The following TUBGCP5 variants were observed in gnomAD, a reference collection of about 807,000 sequenced individuals.
TUBGCP5 encodes gamma-tubulin complex component 5.
Under a neutral mutation model 134.7 loss-of-function variants are expected in TUBGCP5, and 98 were observed. The ratio of observed to expected loss-of-function variants is 0.73; its 90% CI spans 0.62 to 0.86. The LOEUF is 0.86. TUBGCP5 is among the 40% of genes least tolerant of loss of function. The pLI, the probability that TUBGCP5 is intolerant of heterozygous loss-of-function variation, is 0.00. For synonymous variants in TUBGCP5, 456 were observed against 431.4 expected, an observed-to-expected ratio of 1.06 and a Z score of -0.71; for missense variants, 1,150 against 1,244.8, an observed-to-expected ratio of 0.92 and a Z score of 1.15.
At chr15:23,000,281 T>C (rs754635510) in intron 22 of TUBGCP5, 35 of 1,265,062 alleles carry the variant, frequency 2.8e-5, no homozygotes, top group African/African-American at 1.5e-5. Flanking sequence ...AACTACACGA[T>C]AGTGAAGTGT....
chr15:22,988,414 C>T (rs2063743095), intron 23 of TUBGCP5, among the ~76,000 whole-genome samples: 1 of 151,824 alleles, frequency 6.6e-6, no homozygotes, highest in Non-Finnish European at 1.5e-5. Flanking sequence ...GGCCTTCCAG[C>T]CCCCAGAACT....
In TUBGCP5 at chr15:23,029,696, C is replaced by A. The variant is rs1249105968; in HGVS notation, c.622+1189G>T. On this transcript the variant is annotated intron_variant, in intron 6 of 22. Coordinates refer to ENST00000615383, the MANE Select transcript of TUBGCP5 (RefSeq NM_052903.6). Reference sequence around the variant, plus strand: ...GTCAGGAATTTGAGACCAGCCTGGCCAACATGGTGAAACCCTGTCTCTACT... The same window carrying A: ...GTCAGGAATTTGAGACCAGCCTGGCAAACATGGTGAAACCCTGTCTCTACT... 2.0e-5 allele frequency among the ~76,000 whole-genome samples: 3 copies of A among 151,078 alleles called. No homozygotes were observed. The East Asian group carries it at 6.0e-4, about 30-fold the overall frequency.
chr15:22,996,677 G>A (rs745735747), downstream of TUBGCP5, among the ~76,000 whole-genome samples: 1 of 152,034 alleles, frequency 6.6e-6, no homozygotes, highest in Non-Finnish European at 1.5e-5. Context: ...TAGTAGAGAT[G>A]GAGTTTCACC....
Position 23,039,410 on chromosome 15 carries a change from C to T in TUBGCP5, c.134G>A (p.Trp45Ter). 6.6e-7 allele frequency: 1 copy of T among 1,508,010 alleles called. No homozygotes were observed. Among genetic ancestry groups the T allele is most frequent in the Non-Finnish European group, 8.9e-7 (1 of 1,120,662 alleles). The allele number at this position is 1,508,010 out of a possible 1,614,324, so 93.4% of individuals were successfully genotyped here. The change falls in exon 1 of 23, where the codon TGG (tryptophan) becomes TAG (stop). Residue 45 changes from tryptophan (W) to a stop codon, truncating the protein, a stop_gained. Transcript: ENST00000615383. LOFTEE classifies it high-confidence loss of function. ...CCGTGCCCCACACCTGAAGTTGGAC[C>T]AGGCGAAGTTTAGGGCGAGCTGGAA... Reference protein sequence around the residue: ...PNFQLALNFAWSNFRFHRFLD... With the variant: ...PNFQLALNFA
chr15:22,996,031 T>C (rs1175844240), downstream of TUBGCP5, among the ~76,000 whole-genome samples: 1 of 152,216 alleles, frequency 6.6e-6, no homozygotes, highest in Non-Finnish European at 1.5e-5. Flanking sequence ...CTCTTCACCG[T>C]CATCAGGATG....
intron 21 of TUBGCP5, among the ~76,000 whole-genome samples, chr15:23,000,940 T>A (rs1214101097): frequency 6.6e-6 from 1 of 152,234 alleles, no homozygotes; most frequent in East Asian, 1.9e-4. Flanking sequence ...ATACTCCCTT[T>A]TCCTTTATAC....
chr15:22,988,451 T>C (rs914727554), intron 23 of TUBGCP5, among the ~76,000 whole-genome samples: 1 of 151,780 alleles, frequency 6.6e-6, no homozygotes, highest in Non-Finnish European at 1.5e-5. Context: ...CTGGTTTTTT[T>C]GGCCGGTTGC....
At chr15:22,987,360 A>G (rs1757095564) in intron 23 of TUBGCP5, among the ~76,000 whole-genome samples, 1 of 151,646 alleles carries the variant, frequency 6.6e-6, no homozygotes, top group South Asian at 2.1e-4. Context: ...AAGAAAAGAA[A>G]GTTACTGTCC....
intron 23 of TUBGCP5, among the ~76,000 whole-genome samples, chr15:22,988,461 C>T (rs908285640): frequency 2.2e-4 from 34 of 151,828 alleles, no homozygotes; most frequent in South Asian, 8.3e-4. Context: ...TGGCCGGTTG[C>T]GGTGGCTGAA....
rs1002867804 is a variant in TUBGCP5, at chr15:23,006,149, A to G, written c.2436T>C (p.Val812=). The change falls in exon 18 of 23, where the codon GTT becomes GTC. Residue 812 remains valine, a synonymous_variant. Transcript: ENST00000615383. ...SYKVPWPVDI[V]ISLECQKIYN... is the part of the protein sequence containing the mutation. ...AAATTTTTTGACATTCCAAACTTAT[A>G]ACAATGTCCACGGGCCATGGGACCT... The G allele has an allele frequency of 1.2e-6, 2 of 1,609,880 alleles. No homozygotes were observed. The highest frequency in any genetic ancestry group is 1.3e-5 in the African/African-American group (1 of 74,862).
At chr15:23,037,823 A>G (rs2066682298) in intron 1 of TUBGCP5, among the ~76,000 whole-genome samples, 2 of 152,184 alleles carry the variant, frequency 1.3e-5, no homozygotes, top group African/African-American at 4.8e-5. Flanking sequence ...TCAGTTAGAG[A>G]AAAGTGAGCT....
intron 16 of TUBGCP5, 49 bp downstream of exon 16, chr15:23,008,650 C>A: frequency 6.4e-7 from 1 of 1,568,862 alleles, no homozygotes; most frequent in South Asian, 1.1e-5. Context: ...CTTACTGGCA[C>A]ATAGTTCATG....
chr15:22,990,385 C>A (rs1032495015), intron 23 of TUBGCP5, among the ~76,000 whole-genome samples: 9 of 152,190 alleles, frequency 5.9e-5, no homozygotes, highest in African/African-American at 1.7e-4. Flanking sequence ...GGAACCCAGG[C>A]CAAGGCTGGA....
chr15:23,017,578 A>G (rs1273289752), intron 13 of TUBGCP5, among the ~76,000 whole-genome samples, 195 bp downstream of exon 13: 1 of 152,148 alleles, frequency 6.6e-6, no homozygotes, highest in Non-Finnish European at 1.5e-5. Flanking sequence ...ACAGCACTAA[A>G]AGTTTTCAAT....
intron 3 of TUBGCP5, among the ~76,000 whole-genome samples, chr15:23,036,011 C>T (rs544139127): frequency 2.0e-5 from 3 of 152,158 alleles, no homozygotes; most frequent in Non-Finnish European, 4.4e-5. Flanking sequence ...AATATTAAAA[C>T]GTGAGCTTCC....
chr15:23,005,278 C>T (rs2064635486), intron 19 of TUBGCP5, among the ~76,000 whole-genome samples, 154 bp downstream of exon 19: 1 of 152,206 alleles, frequency 6.6e-6, no homozygotes, highest in African/African-American at 2.4e-5. Context: ...AAACATTCCT[C>T]CCACTGCCAT....
downstream of TUBGCP5, among the ~76,000 whole-genome samples, chr15:22,996,449 G>A (rs1206834574): frequency 6.6e-6 from 1 of 152,074 alleles, no homozygotes; most frequent in Non-Finnish European, 1.5e-5. Context: ...ATTCACATCA[G>A]CCGGGGAACA....
At chr15:22,983,175 A>C (rs1370347303), downstream of TUBGCP5, 1 of 152,234 alleles carries the variant, frequency 6.6e-6, no homozygotes, top group Non-Finnish European at 1.5e-5. Flanking sequence ...GGAATGAAAG[A>C]TGTTCAGACG....
intron 23 of TUBGCP5, among the ~76,000 whole-genome samples, chr15:22,990,878 G>A (rs1421930403): frequency 6.6e-6 from 1 of 152,160 alleles, no homozygotes; most frequent in Admixed American, 6.6e-5. Flanking sequence ...GGCAGGGATG[G>A]GAGTGAAGCA....
Sources: allele counts gnomAD v4.1 joint callset (sites outside exome capture counted in the v4.1 genomes callset), GRCh38; gene constraint gnomAD v4.1.1; transcripts MANE v1.5; gene names NCBI Gene and HGNC (gene_info 2026-07-23, HGNC 2026-07-21).